Variants in CNTNAP2 observed in about 807,000 individuals in gnomAD.
The protein encoded by CNTNAP2 is contactin associated protein 2.
CNTNAP2 carries 98 observed loss-of-function variants against 155.2 expected under a neutral mutation model. That is an observed-to-expected ratio of 0.63 (90% confidence interval 0.54 to 0.75). CNTNAP2 has a LOEUF of 0.75. Among genes scored for constraint, CNTNAP2 ranks in the 30% least tolerant of loss-of-function variants. The probability of loss-of-function intolerance (pLI) is 0.00; values close to 1 mark genes in which losing one functional copy is unlikely to be tolerated. For missense variants in CNTNAP2, 1,727 were observed against 1,688.1 expected (o/e 1.02, Z -0.40); for synonymous variants, 651 against 631.2 (o/e 1.03, Z -0.47).
intron 1 of CNTNAP2, among the ~76,000 whole-genome samples, chr7:146,373,529 T>C (rs1563059493): frequency 6.6e-6 from 1 of 151,654 alleles, no homozygotes; most frequent in Non-Finnish European, 1.5e-5. Context: ...ATATTAGAAA[T>C]ATGTTGAAAA....
rs1481156820 is a variant in CNTNAP2, at chr7:147,761,408, TTC to T, written c.2098+122104_2098+122105del. ...GTGCTTATAAAAAATGACATTCAAG[TTC>T]TGTTTTGAATAGAGTAAGGCTTTAG... On this transcript the variant is annotated intron_variant, in intron 13 of 23. Coordinates refer to ENST00000361727, the MANE Select transcript of CNTNAP2 (RefSeq NM_014141.6). 5.3e-5 allele frequency among the ~76,000 whole-genome samples: 8 copies of T among 152,328 alleles called. No homozygotes were observed. In the South Asian group the frequency reaches 1.2e-3, roughly 24 times the overall value.
rs73740566 is a variant in CNTNAP2 at position 147,051,203 on chromosome 7, T to A, written c.550+7149T>A. Among the ~76,000 whole-genome samples, 287 of 91,192 alleles carry A rather than the reference T, an allele frequency of 3.1e-3. 3 individuals carry two copies. The highest frequency in any genetic ancestry group is 0.013 in the African/African-American group (196 of 15,160). The allele number at this position is 91,192 out of a possible 152,430, so 59.8% of individuals were successfully genotyped here. A position where few individuals can be genotyped will look rare whatever the true frequency, so the allele number is the denominator to read the frequency against. On this transcript the variant is annotated intron_variant, in intron 4 of 23. Transcript: ENST00000361727. ...ATATATGTATATATATATATATATA[T>A]AAATCATTAAGAATTTATGTTTACA...
intron 13 of CNTNAP2, among the ~76,000 whole-genome samples, chr7:147,860,419 G>A (rs368895880): frequency 3.7e-4 from 56 of 151,922 alleles, no homozygotes; most frequent in Middle Eastern, 3.4e-3. Flanking sequence ...GTGAGACTCC[G>A]TCTCAACAAC....
rs147108484 is a variant in CNTNAP2, at chr7:147,331,447, A to G, written c.1498+31157A>G. Among the ~76,000 whole-genome samples the G allele has an allele frequency of 7.4e-4, 113 of 152,244 alleles. 1 individual carries two copies. In the East Asian group the frequency reaches 0.022, roughly 29 times the overall value. ...TATATAATTGGGTAAATAGGTCTAA[A>G]CTTCAGAAGAGATAATTTGGGAGCA... On this transcript the variant is annotated intron_variant, in intron 9 of 23. Coordinates refer to ENST00000361727, the MANE Select transcript of CNTNAP2 (RefSeq NM_014141.6).
At chr7:146,690,267 C>T (rs1281437449) in intron 1 of CNTNAP2, among the ~76,000 whole-genome samples, 2 of 152,132 alleles carry the variant, frequency 1.3e-5, no homozygotes, top group African/African-American at 4.8e-5. Flanking sequence ...CCACAATTCA[C>T]TACATAAAGA....
intron 15 of CNTNAP2, among the ~76,000 whole-genome samples, chr7:148,049,801 T>C (rs567703448): frequency 4.1e-4 from 63 of 152,382 alleles, no homozygotes; most frequent in African/African-American, 1.5e-3. Flanking sequence ...TACTGGTTTA[T>C]GTATTTGCTA....
chr7:148,333,440 AAAAAC>A (rs1455744101), intron 21 of CNTNAP2, among the ~76,000 whole-genome samples: 1 of 142,982 alleles, frequency 7.0e-6, no homozygotes, highest in Non-Finnish European at 1.6e-5. Context: ...AAAGGAAAAA[AAAAAC>A]ACTCATTTTT....
chr7:146,208,094 G>A (rs530950490), intron 1 of CNTNAP2, among the ~76,000 whole-genome samples: 34 of 151,932 alleles, frequency 2.2e-4, no homozygotes, highest in African/African-American at 7.5e-4. Flanking sequence ...CCTAAAGTAT[G>A]TTCTTATTCA....
chr7:146,922,904 G>C (rs141899617), intron 3 of CNTNAP2, among the ~76,000 whole-genome samples: 27 of 152,206 alleles, frequency 1.8e-4, no homozygotes, highest in African/African-American at 6.3e-4. Flanking sequence ...AAAAAAAGAC[G>C]AGTATGTAAA....
chr7:147,540,250 C>G lies in CNTNAP2; in HGVS notation c.1778-21888C>G, dbSNP rs149183531. ...ACTCTGAGTGTCACTCCAGACCCCC[C>G]AGAACATCACACTCTTACCTCCATC... is the stretch of plus-strand genomic sequence containing the variant. On this transcript the variant is annotated intron_variant, in intron 11 of 23. Transcript: ENST00000361727. Among the ~76,000 whole-genome samples the G allele has an allele frequency of 6.6e-3, 1,005 of 152,212 alleles. 10 individuals carry two copies. Among genetic ancestry groups the G allele is most frequent in the African/African-American group, 0.022 (912 of 41,548 alleles).
At chr7:146,224,177 T>C (rs1375096134) in intron 1 of CNTNAP2, among the ~76,000 whole-genome samples, 1 of 152,196 alleles carries the variant, frequency 6.6e-6, no homozygotes, top group Non-Finnish European at 1.5e-5. Context: ...ATTTTGATTA[T>C]GGCAATGTCA....
At chr7:146,581,736 T>G (rs2129147903) in intron 1 of CNTNAP2, among the ~76,000 whole-genome samples, 1 of 152,196 alleles carries the variant, frequency 6.6e-6, no homozygotes, top group African/African-American at 2.4e-5. Context: ...TAGAATGAAA[T>G]TTATGTTTTA....
chr7:148,106,493 G>GATAGATAGATATATATAT (rs1490418389), intron 15 of CNTNAP2, among the ~76,000 whole-genome samples: 58 of 124,898 alleles, frequency 4.6e-4, no homozygotes, highest in African/African-American at 1.0e-3. Flanking sequence ...CACACTTTGA[G>GATAGATAGATATATATAT]ATATATATAT....
intron 1 of CNTNAP2, among the ~76,000 whole-genome samples, chr7:146,687,884 G>A (rs144226561): frequency 3.3e-5 from 5 of 152,144 alleles, no homozygotes; most frequent in African/African-American, 1.2e-4. Context: ...CATGGGAAGA[G>A]CACAGGCTGT....
intron 14 of CNTNAP2, among the ~76,000 whole-genome samples, chr7:147,975,948 A>C (rs942004640): frequency 2.6e-5 from 4 of 152,182 alleles, no homozygotes; most frequent in Non-Finnish European, 5.9e-5. Context: ...CATAATATAC[A>C]TTTTAGACTT....
intron 1 of CNTNAP2, among the ~76,000 whole-genome samples, chr7:146,671,124 T>C (rs1031593621): frequency 6.6e-6 from 1 of 152,142 alleles, no homozygotes; most frequent in African/African-American, 2.4e-5. Context: ...CTTCATTACA[T>C]TAAGAGACTT....
chr7:146,499,244 G>A (rs1370348725), intron 1 of CNTNAP2, among the ~76,000 whole-genome samples: 5 of 152,022 alleles, frequency 3.3e-5, no homozygotes, highest in African/African-American at 4.8e-5. Context: ...GTGCAGTGGC[G>A]CCATCTTGGC....
intron 1 of CNTNAP2, among the ~76,000 whole-genome samples, chr7:146,119,137 T>G (rs1288004260): frequency 6.6e-6 from 1 of 152,032 alleles, no homozygotes; most frequent in Non-Finnish European, 1.5e-5. Context: ...AGATGGAAAC[T>G]ACATGAATCT....
intron 11 of CNTNAP2, among the ~76,000 whole-genome samples, chr7:147,561,603 C>T (rs1051679191): frequency 2.0e-5 from 3 of 152,066 alleles, no homozygotes; most frequent in Admixed American, 1.3e-4. Context: ...TCAAGGAAAT[C>T]TCTTTCCTTT....
Sources: gnomAD v4.1 joint callset for allele counts (sites outside exome capture counted in the v4.1 genomes callset) on GRCh38, gnomAD v4.1.1 for gene constraint, MANE v1.5 for transcripts, NCBI Gene and HGNC (gene_info 2026-07-23, HGNC 2026-07-21) for gene names.